Variants in AGO4 observed in about 807,000 individuals in gnomAD.
AGO4 encodes argonaute RISC component 4.
Under a neutral mutation model 104.7 loss-of-function variants are expected in AGO4, and 33 were observed. The ratio of observed to expected loss-of-function variants is 0.32; its 90% confidence interval spans 0.24 to 0.42. The LOEUF (loss-of-function observed/expected upper bound fraction) is 0.42. Among genes scored for constraint, AGO4 ranks in the 10% least tolerant of loss-of-function variants. AGO4 has a pLI of 1.00. For missense variants in AGO4, 711 were observed against 1,083.4 expected, an observed-to-expected ratio of 0.66 and a Z score of 4.83; for synonymous variants, 331 against 364.7, an observed-to-expected ratio of 0.91 and a Z score of 1.05.
chr1:35,832,527 G>T lies in AGO4; in HGVS notation c.1336G>T (p.Ala446Ser). The stretch of plus-strand genomic sequence containing the variant: ...CATTGAAATTAAAGTTTGGGCAGTT[G>T]CTTGTTTTGCACCTCAGAAACAATG... ...AGIEIKVWAV[A>S]CFAPQKQCRE... The change falls in exon 11 of 18, where the codon GCT becomes TCT. Residue 446 changes from alanine (A) to serine (S), a missense_variant. By Grantham distance (99) the Ala-to-Ser change is moderately conservative. Coordinates refer to ENST00000373210, the MANE Select transcript of AGO4 (RefSeq NM_017629.4). 1 of 1,613,210 alleles carries T rather than the reference G, an allele frequency of 6.2e-7. No homozygotes were observed. The highest frequency in any genetic ancestry group is 1.1e-5 in the South Asian group (1 of 91,032).
At chr1:35,821,270 C>T (rs1261591015) in intron 2 of AGO4, among the ~76,000 whole-genome samples, 3 of 152,136 alleles carry the variant, frequency 2.0e-5, no homozygotes, top group East Asian at 1.9e-4. Context: ...GGAGATTGTA[C>T]GATACCACGT....
chr1:35,856,299 C>T lies in AGO4; in HGVS notation c.*2694C>T, dbSNP rs1644814632. 6.6e-6 allele frequency: 1 copy of T among 152,310 alleles called. No individual in the cohort carries two copies. The highest frequency in any genetic ancestry group is 3.4e-3 in the Middle Eastern group (1 of 294). 9.4% of individuals were successfully genotyped at this position (152,310 alleles called of 1,614,324 possible). A position where few individuals can be genotyped will look rare whatever the true frequency, so the allele number is the denominator to read the frequency against. On this transcript the variant is annotated 3_prime_UTR_variant, in exon 18 of 18. Transcript: ENST00000373210. ...TGCAGCAATATGATTGCAAGCAAGT[C>T]TGAATGCATAGTTTTACTTTAATTC...
intron 11 of AGO4, 70 bp downstream of exon 11, chr1:35,832,640 G>A (rs1644212948): frequency 1.3e-6 from 2 of 1,569,964 alleles, no homozygotes; most frequent in Admixed American, 1.8e-5. Flanking sequence ...TTATGTGAAT[G>A]TGCTGTGTAC....
intron 7 of AGO4, among the ~76,000 whole-genome samples, chr1:35,827,825 G>A (rs2148663438): frequency 7.9e-6 from 1 of 127,010 alleles, no homozygotes; most frequent in South Asian, 2.5e-4. Context: ...TGGAGACAGG[G>A]TCTCACTCTG....
chr1:35,829,030 C>A (rs943828049), intron 7 of AGO4, among the ~76,000 whole-genome samples: 2 of 149,748 alleles, frequency 1.3e-5, no homozygotes, highest in Non-Finnish European at 3.0e-5. Flanking sequence ...AGCCCCCCCC[C>A]CCACACACAC....
intron 1 of AGO4, among the ~76,000 whole-genome samples, chr1:35,815,418 C>A (rs1475861688): frequency 1.3e-5 from 2 of 151,934 alleles, no homozygotes; most frequent in Non-Finnish European, 2.9e-5. Flanking sequence ...TCCACAAGAT[C>A]TTTTTCTGCT....
rs946644248 is a variant in AGO4, at chr1:35,857,838, T to C, written c.*4233T>C. The C allele has an allele frequency of 6.6e-6, 1 of 152,238 alleles. No homozygotes were observed. Among genetic ancestry groups the C allele is most frequent in the Non-Finnish European group, 1.5e-5 (1 of 68,052 alleles). The allele number at this position is 152,238 out of a possible 1,614,324, so 9.4% of individuals were successfully genotyped here. ...CCTATTTTTAAAAATTGCTATTTGG[T>C]ATACAATTATTATGTGTCAATTAAA... On this transcript the variant is annotated 3_prime_UTR_variant, in exon 18 of 18. Transcript: ENST00000373210.
chr1:35,835,061 A>G (rs577174343), intron 12 of AGO4, among the ~76,000 whole-genome samples: 306 of 123,892 alleles, frequency 2.5e-3, no homozygotes, highest in South Asian at 0.013. Context: ...TCCAGGCTGT[A>G]GTGCAGTGGC....
chr1:35,852,347 A>C (rs1315960403), intron 17 of AGO4, among the ~76,000 whole-genome samples: 1 of 152,214 alleles, frequency 6.6e-6, no homozygotes, highest in Non-Finnish European at 1.5e-5. Context: ...GAAAGTCAGA[A>C]GAGGGATGGG....
chr1:35,813,148 G>T (rs935115221), intron 1 of AGO4, among the ~76,000 whole-genome samples: 3 of 151,868 alleles, frequency 2.0e-5, no homozygotes, highest in Admixed American at 1.3e-4. Flanking sequence ...AGTGGCTCAC[G>T]CCTGTAATCC....
chr1:35,833,005 G>A (rs926506310), intron 11 of AGO4, among the ~76,000 whole-genome samples: 1 of 152,168 alleles, frequency 6.6e-6, no homozygotes, highest in Non-Finnish European at 1.5e-5. Context: ...TAGTGGCCAG[G>A]CTCAGTGGCT....
chr1:35,836,094 T>C (rs1437815802), intron 13 of AGO4, 101 bp downstream of exon 13: 8 of 1,294,278 alleles, frequency 6.2e-6, no homozygotes, highest in Non-Finnish European at 8.5e-6. Flanking sequence ...TTACCTTTTC[T>C]CTTGTATATA....
At chr1:35,809,281 C>T (rs1643420152) in intron 1 of AGO4, among the ~76,000 whole-genome samples, 1 of 152,170 alleles carries the variant, frequency 6.6e-6, no homozygotes, top group Non-Finnish European at 1.5e-5. Flanking sequence ...AGTATTGGGG[C>T]CTGGTGCTTC....
At chr1:35,811,328 A>G (rs1311952579) in intron 1 of AGO4, among the ~76,000 whole-genome samples, 2 of 150,852 alleles carry the variant, frequency 1.3e-5, no homozygotes, top group East Asian at 4.0e-4. Flanking sequence ...TAAAAATTAG[A>G]TGGGTGTGGT....
At chr1:35,822,021 G>A (rs538418978) in intron 2 of AGO4, among the ~76,000 whole-genome samples, 11 of 151,680 alleles carry the variant, frequency 7.3e-5, no homozygotes, top group East Asian at 1.9e-4. Flanking sequence ...CCAAGTACCC[G>A]GGATTACACC....
chr1:35,810,689 A>G (rs191594640), intron 1 of AGO4, among the ~76,000 whole-genome samples: 423 of 152,276 alleles, frequency 2.8e-3, no homozygotes, highest in Non-Finnish European at 4.1e-3. Flanking sequence ...CAAAGGGTCA[A>G]GTGGTGAAAT....
rs533381603 is a variant in AGO4 at position 35,849,052 on chromosome 1, G to A, written c.2176-1105G>A. On this transcript the variant is annotated intron_variant, in intron 15 of 17. Coordinates refer to ENST00000373210, the MANE Select transcript of AGO4 (RefSeq NM_017629.4). ...ATTTGTGCCTGTATGCTAAAGAAAT[G>A]TGTTCATACTGAACTCTGCTGTACA... 2.0e-4 allele frequency among the ~76,000 whole-genome samples: 30 copies of A among 152,282 alleles called. No homozygotes were observed. The East Asian group carries it at 5.0e-3, about 25-fold the overall frequency.
At chr1:35,809,731 G>T (rs1643437188) in intron 1 of AGO4, among the ~76,000 whole-genome samples, 1 of 152,100 alleles carries the variant, frequency 6.6e-6, no homozygotes, top group African/African-American at 2.4e-5. Flanking sequence ...GTATGACCCT[G>T]GGAAAATTAC....
intron 1 of AGO4, 47 bp from the exon 2 acceptor site, chr1:35,816,835 A>G (rs1643723586): frequency 2.0e-6 from 3 of 1,499,624 alleles, no homozygotes; most frequent in Non-Finnish European, 2.7e-6. Flanking sequence ...AGAAAGAAAG[A>G]AAAAGAAAAA....
Sources: gnomAD v4.1 joint callset for allele counts (sites outside exome capture counted in the v4.1 genomes callset) on GRCh38, gnomAD v4.1.1 for gene constraint, MANE v1.5 for transcripts, NCBI Gene and HGNC (gene_info 2026-07-23, HGNC 2026-07-21) for gene names.